The following CAST variants were observed in gnomAD, a reference collection of about 807,000 sequenced individuals.
CAST encodes the protein MIR583 host.
Under a neutral mutation model 119.6 loss-of-function variants are expected in CAST, and 76 were observed. The observed-to-expected ratio is 0.64, with a 90% CI of 0.53 to 0.77. CAST has a LOEUF of 0.77. Ranked by LOEUF, CAST falls within the 30% of genes least tolerant of loss-of-function variation. The pLI is 0.00. For synonymous variants in CAST, 319 were observed against 331.6 expected, an observed-to-expected ratio of 0.96 and a Z score of 0.41; for missense variants, 953 against 946.5, an observed-to-expected ratio of 1.01 and a Z score of -0.09.
chr5:96,072,610 G>A, the CAST span, among the ~76,000 whole-genome samples: 1 of 152,152 alleles, frequency 6.6e-6, no homozygotes, highest in Non-Finnish European at 1.5e-5. Flanking sequence ...AAAATAATTT[G>A]ACGAGATCAG....
intron 1 of CAST, among the ~76,000 whole-genome samples, chr5:96,654,334 T>G (rs1278951655): frequency 2.0e-5 from 3 of 152,276 alleles, no homozygotes; most frequent in African/African-American, 7.2e-5. Context: ...CCATTTTCTT[T>G]TTTCAATTCT....
chr5:96,430,565 T>C, the CAST span, among the ~76,000 whole-genome samples: 2 of 152,320 alleles, frequency 1.3e-5, no homozygotes, highest in East Asian at 3.9e-4. Flanking sequence ...GTCACTACCT[T>C]AATCCAAGCT....
the CAST span, among the ~76,000 whole-genome samples, chr5:96,206,280 T>C: frequency 2.0e-5 from 3 of 152,082 alleles, no homozygotes; most frequent in African/African-American, 7.2e-5. Flanking sequence ...GATAGTGTCT[T>C]TTGCTGTTCA....
intron 10 of CAST, among the ~76,000 whole-genome samples, chr5:96,736,532 C>G (rs1465556200): frequency 1.3e-5 from 2 of 151,952 alleles, no homozygotes; most frequent in Non-Finnish European, 2.9e-5. Flanking sequence ...CTTTATTTAA[C>G]CAGAGGTATT....
intron 1 of CAST, among the ~76,000 whole-genome samples, chr5:96,565,005 T>G (rs1746441874): frequency 6.6e-6 from 1 of 152,184 alleles, no homozygotes; most frequent in South Asian, 2.1e-4. Context: ...AGTTTACTTT[T>G]TTAATTAAAA....
At chr5:96,342,198 G>A in the CAST span, among the ~76,000 whole-genome samples, 1 of 152,152 alleles carries the variant, frequency 6.6e-6, no homozygotes, top group African/African-American at 2.4e-5. Context: ...TTCCTCTGAG[G>A]ACACATGGGA....
intron 29 of CAST, chr5:96,770,037 A>G (rs1771683677): frequency 1.3e-5 from 2 of 154,148 alleles, no homozygotes; most frequent in South Asian, 2.0e-4. Context: ...GGGAGTGCAG[A>G]TATCTTTATA....
the CAST span, among the ~76,000 whole-genome samples, chr5:96,476,459 T>G: frequency 6.6e-6 from 1 of 152,216 alleles, no homozygotes; most frequent in Non-Finnish European, 1.5e-5. Flanking sequence ...AAAGTGATAC[T>G]AGGAATTATG....
At chr5:96,180,448 A>G in the CAST span, among the ~76,000 whole-genome samples, 1 of 152,250 alleles carries the variant, frequency 6.6e-6, no homozygotes, top group Non-Finnish European at 1.5e-5. Flanking sequence ...CTCGTGAGGT[A>G]CTATGAAAGT....
chr5:96,523,533 T>A (rs1358008703), upstream of CAST, among the ~76,000 whole-genome samples: 1 of 152,232 alleles, frequency 6.6e-6, no homozygotes, highest in Admixed American at 6.5e-5. Context: ...ATGCCTTCCA[T>A]GCCGGGAGGC....
the CAST span, among the ~76,000 whole-genome samples, chr5:96,359,889 G>C: frequency 1.3e-5 from 2 of 152,070 alleles, no homozygotes. Flanking sequence ...TGTCTTGCCC[G>C]GTTGGGGAAG....
chr5:96,640,876 G>A (rs868823947), intron 1 of CAST, among the ~76,000 whole-genome samples: 1 of 152,172 alleles, frequency 6.6e-6, no homozygotes, highest in Non-Finnish European at 1.5e-5. Context: ...CTTTCTTCTG[G>A]CAGCACTCCC....
the CAST span, among the ~76,000 whole-genome samples, chr5:96,154,848 T>G: frequency 6.6e-6 from 1 of 152,242 alleles, no homozygotes; most frequent in Admixed American, 6.5e-5. Flanking sequence ...GGGGACACTC[T>G]AGCAACAGGA....
intron 1 of CAST, among the ~76,000 whole-genome samples, chr5:96,544,205 C>T (rs943764258): frequency 6.6e-6 from 1 of 152,124 alleles, no homozygotes; most frequent in Non-Finnish European, 1.5e-5. Context: ...TGGACTATCT[C>T]TCCATTTATT....
At chr5:96,357,754 G>A in the CAST span, among the ~76,000 whole-genome samples, 10 of 152,180 alleles carry the variant, frequency 6.6e-5, no homozygotes, top group South Asian at 8.3e-4. Context: ...TGAAATTTTC[G>A]CATTGATGTT....
chr5:96,210,549 T>G, the CAST span, among the ~76,000 whole-genome samples: 40 of 152,066 alleles, frequency 2.6e-4, no homozygotes, highest in Non-Finnish European at 4.6e-4. Context: ...CTGATATATG[T>G]GTCTGCCCTT....
the CAST span, among the ~76,000 whole-genome samples, chr5:96,420,222 G>C: frequency 6.6e-6 from 1 of 152,206 alleles, no homozygotes; most frequent in African/African-American, 2.4e-5. Context: ...AAATGGAATA[G>C]AGGCAGAGAG....
chr5:96,460,758 T>C, the CAST span, among the ~76,000 whole-genome samples: 2 of 152,150 alleles, frequency 1.3e-5, no homozygotes, highest in African/African-American at 4.8e-5. Flanking sequence ...TTTTCCTCAA[T>C]TTTATACTTG....
intron 20 of CAST, among the ~76,000 whole-genome samples, chr5:96,751,595 T>G (rs1269226389): frequency 6.6e-6 from 1 of 152,194 alleles, no homozygotes; most frequent in Non-Finnish European, 1.5e-5. Context: ...AGGTACTTTT[T>G]ACAGCATGTG....
Sources: gnomAD v4.1 joint callset for allele counts (sites outside exome capture counted in the v4.1 genomes callset) on GRCh38, gnomAD v4.1.1 for gene constraint, MANE v1.5 for transcripts, NCBI Gene and HGNC (gene_info 2026-07-23, HGNC 2026-07-21) for gene names.